The following NT5C1A variants were observed in gnomAD, a reference collection of about 807,000 sequenced individuals.
NT5C1A encodes cytosolic 5'-nucleotidase 1A.
In NT5C1A, 18 loss-of-function variants were observed where a neutral mutation model predicts 31.0. The ratio of observed to expected loss-of-function variants is 0.58; its 90% CI spans 0.40 to 0.86. The LOEUF is 0.86. Among genes scored for constraint, NT5C1A ranks in the 40% least tolerant of loss-of-function variants. NT5C1A has a pLI of 0.00. For missense variants in NT5C1A, 470 were observed against 505.4 expected, an observed-to-expected ratio of 0.93 and a Z score of 0.67; for synonymous variants, 185 against 203.6, an observed-to-expected ratio of 0.91 and a Z score of 0.78.
chr1:39,660,812 GA>G lies in NT5C1A; in HGVS notation c.741+266del, dbSNP rs907794571. ...CTCAGAAATGGGGATTTGAGCTGCA[GA>G]GGGGGGATGGGCTTAGAGAGAGGCT... On this transcript the variant is annotated intron_variant, in intron 5 of 5. Coordinates refer to ENST00000235628, the MANE Select transcript of NT5C1A (RefSeq NM_032526.3). Among the ~76,000 whole-genome samples, 2 of 152,156 alleles carry G rather than the reference GA, an allele frequency of 1.3e-5. 1 individual carries two copies. Among genetic ancestry groups the G allele is most frequent in the Admixed American group, 1.3e-4 (2 of 15,286 alleles).
Position 39,654,358 on chromosome 1 carries a change from C to T in NT5C1A, c.*4763G>A, listed in dbSNP as rs1277372354. Reference sequence around the variant, plus strand: ...GCTTTCACAGAAAGTACATGGATGACCTTGTTGGCTCGGAGCTGCTGAAAT... The same window carrying T: ...GCTTTCACAGAAAGTACATGGATGATCTTGTTGGCTCGGAGCTGCTGAAAT... On this transcript the variant is annotated 3_prime_UTR_variant, in exon 6 of 6. Coordinates refer to ENST00000235628, the MANE Select transcript of NT5C1A (RefSeq NM_032526.3). Among the ~76,000 whole-genome samples, 3 of 152,198 alleles carry T rather than the reference C, an allele frequency of 2.0e-5. No homozygotes were observed. Among genetic ancestry groups the T allele is most frequent in the Admixed American group, 6.5e-5 (1 of 15,274 alleles).
At chr1:39,662,163 C>T (rs984243243) in intron 4 of NT5C1A, among the ~76,000 whole-genome samples, 1 of 152,214 alleles carries the variant, frequency 6.6e-6, no homozygotes, top group Admixed American at 6.5e-5. Flanking sequence ...CCACTTCAGC[C>T]CAACTCTTTG....
chr1:39,665,781 C>T (rs1646518355), intron 2 of NT5C1A, 131 bp from the exon 3 acceptor site: 1 of 948,524 alleles, frequency 1.1e-6, no homozygotes, highest in South Asian at 1.6e-5. Flanking sequence ...ACTACCTTCT[C>T]CTAATGCAAG....
intron 3 of NT5C1A, among the ~76,000 whole-genome samples, chr1:39,664,026 A>C (rs1646505264): frequency 1.3e-5 from 2 of 152,146 alleles, no homozygotes; most frequent in African/African-American, 4.8e-5. Context: ...CAGGTGGTTA[A>C]ATATTTTTAC....
chr1:39,660,684 T>A (rs1199462518), intron 5 of NT5C1A, among the ~76,000 whole-genome samples: 1 of 151,494 alleles, frequency 6.6e-6, no homozygotes, highest in East Asian at 1.9e-4. Context: ...AGAGAGAGAA[T>A]GGGAGCTTCA....
chr1:39,651,491 G>T lies in NT5C1A; in HGVS notation c.*7630C>A, dbSNP rs566834961. Among the ~76,000 whole-genome samples the T allele has an allele frequency of 1.3e-5, 2 of 152,196 alleles. No individual in the cohort carries two copies. The highest frequency in any genetic ancestry group is 2.4e-5 in the African/African-American group (1 of 41,446). ...CCCAGACAAGGGAAGTCACAAAGACGAAGAAACACATGCTCTAACCATTTA... is the reference window on the plus strand; with the variant it reads ...CCCAGACAAGGGAAGTCACAAAGACTAAGAAACACATGCTCTAACCATTTA... On this transcript the variant is annotated 3_prime_UTR_variant, in exon 6 of 6. Transcript: ENST00000235628.
chr1:39,664,715 C>G (rs947503901), intron 3 of NT5C1A, among the ~76,000 whole-genome samples: 1 of 150,724 alleles, frequency 6.6e-6, no homozygotes, highest in African/African-American at 2.4e-5. Flanking sequence ...TTTTGAACTC[C>G]GGACCTCAAG....
intron 5 of NT5C1A, 29 bp from the exon 6 acceptor site, chr1:39,659,515 G>C: frequency 1.3e-6 from 2 of 1,525,662 alleles, no homozygotes; most frequent in Non-Finnish European, 1.8e-6. Context: ...AACATTGTTA[G>C]CTCTACCACC....
rs1646457553 is a variant in NT5C1A at position 39,656,054 on chromosome 1, C to G, written c.*3067G>C. 6.7e-6 allele frequency among the ~76,000 whole-genome samples: 1 copy of G among 149,834 alleles called. No homozygotes were observed. The highest frequency in any genetic ancestry group is 2.4e-5 in the African/African-American group (1 of 40,942). On this transcript the variant is annotated 3_prime_UTR_variant, in exon 6 of 6. Transcript: ENST00000235628. ...GGGGGATGTTTTGCAACTGGCTGAG[C>G]AGTCTCAGTGCTTAGTAACAGGGCT...
At chr1:39,661,932 G>A (rs1646494771) in intron 4 of NT5C1A, among the ~76,000 whole-genome samples, 2 of 152,182 alleles carry the variant, frequency 1.3e-5, no homozygotes, top group African/African-American at 4.8e-5. Context: ...TGGCTGTTCA[G>A]GGTTCCAAAA....
chr1:39,661,742 GT>G (rs960376597), intron 4 of NT5C1A, among the ~76,000 whole-genome samples: 72 of 152,322 alleles, frequency 4.7e-4, no homozygotes, highest in African/African-American at 1.7e-3. Context: ...CCAACTCTGG[GT>G]TGGCCTCAGT....
At chr1:39,670,806 C>G (rs1156701039) in intron 1 of NT5C1A, among the ~76,000 whole-genome samples, 3 of 152,176 alleles carry the variant, frequency 2.0e-5, no homozygotes, top group Non-Finnish European at 4.4e-5. Flanking sequence ...CCTACTCAGG[C>G]TTTAAGATCA....
rs946360610 is a variant in NT5C1A at position 39,655,319 on chromosome 1, G to A, written c.*3802C>T. Among the ~76,000 whole-genome samples, 5 of 152,180 alleles carry A rather than the reference G, an allele frequency of 3.3e-5. No individual in the cohort carries two copies. The highest frequency in any genetic ancestry group is 1.2e-4 in the African/African-American group (5 of 41,446). On this transcript the variant is annotated 3_prime_UTR_variant, in exon 6 of 6. Coordinates refer to ENST00000235628, the MANE Select transcript of NT5C1A (RefSeq NM_032526.3). ...CCAGAGTTTGCCAAACTCTGCATTA[G>A]CCCAAAACAGGGGCCTTCACACTGG...
intron 1 of NT5C1A, among the ~76,000 whole-genome samples, chr1:39,671,629 G>A (rs561849935): frequency 1.3e-5 from 2 of 152,246 alleles, no homozygotes; most frequent in African/African-American, 2.4e-5. Context: ...CGGCCCGAGT[G>A]GGGAGGGGCT....
intron 3 of NT5C1A, 43 bp downstream of exon 3, chr1:39,665,478 G>T (rs1417124729): frequency 1.3e-6 from 2 of 1,569,188 alleles, no homozygotes; most frequent in African/African-American, 1.3e-5. Context: ...GGTCTGGTAG[G>T]GGTGTCCCAG....
At chr1:39,664,304 C>A (rs1215689846) in intron 3 of NT5C1A, among the ~76,000 whole-genome samples, 22 of 150,684 alleles carry the variant, frequency 1.5e-4, no homozygotes, top group Admixed American at 1.4e-3. Context: ...CAGGCCCCAC[C>A]ACCATGCCCG....
Position 39,656,669 on chromosome 1 carries a change from T to C in NT5C1A, c.*2452A>G, listed in dbSNP as rs1646460450. Among the ~76,000 whole-genome samples the C allele has an allele frequency of 6.6e-6, 1 of 152,222 alleles. No individual in the cohort carries two copies. Among genetic ancestry groups the C allele is most frequent in the Admixed American group, 6.5e-5 (1 of 15,294 alleles). The stretch of plus-strand genomic sequence containing the variant: ...CAGGTCCCAGAATCCCTGCAGTTTT[T>C]CTTAATTAGGTGACATCTGGTGCCG... On this transcript the variant is annotated 3_prime_UTR_variant, in exon 6 of 6. Transcript: ENST00000235628.
rs1266631367 is a variant in NT5C1A, at chr1:39,661,261, T to TC, written c.558dup (p.Ile187AspfsTer51). ...GGGCTGAAGATGGTGGCAGCTGCGA[T>TC]CCCTAGGCAGAGAGAGGCAAGCATT... On this transcript the variant is annotated frameshift_variant and splice_region_variant, in exon 5 of 6. Transcript: ENST00000235628. LOFTEE classifies it high-confidence loss of function. 2.6e-6 allele frequency: 4 copies of TC among 1,559,640 alleles called. No individual in the cohort carries two copies. The South Asian group carries it at 4.5e-5, about 17-fold the overall frequency.
At chr1:39,664,484 A>ATTT (rs1491147990) in intron 3 of NT5C1A, among the ~76,000 whole-genome samples, 1 of 1,768 alleles carries the variant, frequency 5.7e-4, no homozygotes, top group Admixed American at 5.6e-3. Context: ...CCCAGAGTGG[A>ATTT]TTTCTCCTCC....
Sources: allele counts gnomAD v4.1 joint callset (sites outside exome capture counted in the v4.1 genomes callset), GRCh38; gene constraint gnomAD v4.1.1; transcripts MANE v1.5; gene names NCBI Gene and HGNC (gene_info 2026-07-23, HGNC 2026-07-21).